PRKACB: variants seen among roughly 807,000 people sequenced by gnomAD.
The protein encoded by PRKACB is cAMP-dependent protein kinase catalytic subunit beta.
A neutral mutation model predicts 51.4 loss-of-function variants in PRKACB; 16 were observed. The observed-to-expected ratio is 0.31, with a 90% confidence interval of 0.21 to 0.47. PRKACB has a LOEUF of 0.47. Ranked by LOEUF, PRKACB falls within the 20% of genes least tolerant of loss-of-function variation. PRKACB has a pLI of 1.00. For missense variants in PRKACB, 309 were observed against 464.5 expected (o/e 0.67, Z 3.08); for synonymous variants, 147 against 154.4 (o/e 0.95, Z 0.35).
At chr1:84,164,930 T>C (rs1290177439) in intron 1 of PRKACB, 1 of 1,526,208 alleles carries the variant, frequency 6.6e-7, no homozygotes. Context: ...TTCTTCTCCC[T>C]CTAGAGATTA....
chr1:84,153,795 G>A (rs955173977), intron 1 of PRKACB, among the ~76,000 whole-genome samples: 13 of 152,038 alleles, frequency 8.6e-5, no homozygotes, highest in East Asian at 1.9e-4. Flanking sequence ...AATACCATAC[G>A]TCGATGCCAT....
At chr1:84,084,836 C>G (rs572427583) in intron 1 of PRKACB, among the ~76,000 whole-genome samples, 4 of 152,038 alleles carry the variant, frequency 2.6e-5, no homozygotes, top group Non-Finnish European at 5.9e-5. Context: ...TCGGGATACC[C>G]GTGGCATTTC....
intron 1 of PRKACB, among the ~76,000 whole-genome samples, chr1:84,152,248 C>G (rs144491442): frequency 2.4e-3 from 358 of 152,272 alleles, no homozygotes; most frequent in African/African-American, 8.1e-3. Context: ...GATATGGTGT[C>G]ATCTAGCCTT....
At chr1:84,123,838 A>G (rs1000509750) in intron 1 of PRKACB, among the ~76,000 whole-genome samples, 1 of 152,218 alleles carries the variant, frequency 6.6e-6, no homozygotes, top group African/African-American at 2.4e-5. Flanking sequence ...AACATTTAGA[A>G]TATGTTACAT....
intron 1 of PRKACB, among the ~76,000 whole-genome samples, chr1:84,112,229 T>C (rs1650291709): frequency 6.7e-6 from 1 of 148,218 alleles, no homozygotes; most frequent in South Asian, 2.1e-4. Context: ...CTGCTTCTTT[T>C]TTTTTTTTTT....
At chr1:84,128,007 C>CTTTTTTTTTTTTTT (rs10537848) in intron 1 of PRKACB, among the ~76,000 whole-genome samples, 41 of 105,372 alleles carry the variant, frequency 3.9e-4, no homozygotes, top group Non-Finnish European at 5.4e-4. Flanking sequence ...CTTTTTTTTT[C>CTTTTTTTTTTTTTT]TTTTTTTTTT....
intron 9 of PRKACB, among the ~76,000 whole-genome samples, chr1:84,229,138 G>C (rs1222106637): frequency 2.8e-5 from 4 of 142,788 alleles, no homozygotes; most frequent in Non-Finnish European, 6.0e-5. Context: ...GTGTCCATGT[G>C]TTCTCATTGT....
chr1:84,106,200 TG>T (rs1321242093), intron 1 of PRKACB, among the ~76,000 whole-genome samples: 1 of 152,048 alleles, frequency 6.6e-6, no homozygotes, highest in African/African-American at 2.4e-5. Flanking sequence ...TTGTATATCC[TG>T]TTTAAAAGTA....
chr1:84,173,953 T>C (rs1660378949), intron 1 of PRKACB, among the ~76,000 whole-genome samples: 1 of 151,832 alleles, frequency 6.6e-6, no homozygotes, highest in Middle Eastern at 3.2e-3. Flanking sequence ...ATCTAACATA[T>C]TGAGACGTCT....
intron 1 of PRKACB, among the ~76,000 whole-genome samples, chr1:84,125,303 T>C (rs1651476149): frequency 6.6e-6 from 1 of 152,190 alleles, no homozygotes; most frequent in South Asian, 2.1e-4. Flanking sequence ...GAGCCAGTAA[T>C]GGTGTGCTGA....
Position 84,235,319 on chromosome 1 carries a change from G to A in PRKACB, c.*14G>A, listed in dbSNP as rs372591216. Reference sequence around the variant, plus strand: ...GGTGAATTTTAAAGAGGAACAAGATGACATCTGAGCTCACACTCAGTGTTT... The same window carrying A: ...GGTGAATTTTAAAGAGGAACAAGATAACATCTGAGCTCACACTCAGTGTTT... On this transcript the variant is annotated 3_prime_UTR_variant, in exon 10 of 10. Coordinates refer to ENST00000370685, the MANE Select transcript of PRKACB (RefSeq NM_182948.4). The A allele has an allele frequency of 1.2e-5, 20 of 1,613,732 alleles. No homozygotes were observed. The African/African-American group carries it at 2.5e-4, about 20-fold the overall frequency.
intron 1 of PRKACB, among the ~76,000 whole-genome samples, chr1:84,099,502 CA>C (rs1649175256): frequency 1.3e-5 from 2 of 151,844 alleles, no homozygotes; most frequent in African/African-American, 4.8e-5. Context: ...CTTTTATTAA[CA>C]GCAAATATAA....
chr1:84,081,686 G>T (rs988363283), intron 1 of PRKACB, among the ~76,000 whole-genome samples: 1 of 151,938 alleles, frequency 6.6e-6, no homozygotes, highest in Non-Finnish European at 1.5e-5. Flanking sequence ...AAAAAAACAC[G>T]CTACTTCTTT....
At chr1:84,219,212 T>C (rs995808270) in intron 9 of PRKACB, among the ~76,000 whole-genome samples, 6 of 151,878 alleles carry the variant, frequency 4.0e-5, no homozygotes, top group Admixed American at 1.3e-4. Context: ...AAAATCTTTT[T>C]TGTTTGTTTA....
At chr1:84,132,313 T>C (rs1232856864) in intron 1 of PRKACB, among the ~76,000 whole-genome samples, 1 of 152,082 alleles carries the variant, frequency 6.6e-6, no homozygotes, top group East Asian at 1.9e-4. Flanking sequence ...TGAGATAAGC[T>C]CAAAGTCAAT....
chr1:84,165,045 TTATTTAAAAAATA>T (rs1270101334), intron 1 of PRKACB: 3 of 1,440,494 alleles, frequency 2.1e-6, no homozygotes, highest in Non-Finnish European at 2.8e-6. Flanking sequence ...CTGCAGCTGT[TTATTTAAAAAATA>T]TATTTATAAG....
chr1:84,117,359 T>C (rs1650717394), intron 1 of PRKACB, among the ~76,000 whole-genome samples: 1 of 152,162 alleles, frequency 6.6e-6, no homozygotes, highest in Non-Finnish European at 1.5e-5. Flanking sequence ...TCTTTTGGAA[T>C]AGCTTCAGGA....
chr1:84,232,304 G>A (rs1471418515), intron 9 of PRKACB, among the ~76,000 whole-genome samples: 4 of 151,994 alleles, frequency 2.6e-5, no homozygotes, highest in African/African-American at 9.7e-5. Context: ...TATAATTTCT[G>A]TTCTTTTACA....
chr1:84,187,635 G>T (rs750300135), intron 5 of PRKACB, among the ~76,000 whole-genome samples: 1 of 152,094 alleles, frequency 6.6e-6, no homozygotes, highest in Non-Finnish European at 1.5e-5. Flanking sequence ...AAGAAAGTTC[G>T]ATTGGAGGAA....
Sources: gnomAD v4.1 joint callset for allele counts (sites outside exome capture counted in the v4.1 genomes callset) on GRCh38, gnomAD v4.1.1 for gene constraint, MANE v1.5 for transcripts, NCBI Gene and HGNC (gene_info 2026-07-23, HGNC 2026-07-21) for gene names.